Variants in XRCC1 observed in about 807,000 individuals in gnomAD.
The protein encoded by XRCC1 is X-ray repair cross complementing 1, also known as DNA repair protein XRCC1.
Under a neutral mutation model 83.3 loss-of-function variants are expected in XRCC1, and 52 were observed. The ratio of observed to expected loss-of-function variants is 0.62; its 90% confidence interval spans 0.50 to 0.79. The LOEUF (loss-of-function observed/expected upper bound fraction) is 0.79, where lower values mean the gene tolerates loss of function less well. XRCC1 is among the 30% of genes least tolerant of loss of function. The probability of loss-of-function intolerance (pLI) is 0.00; values close to 1 mark genes in which losing one functional copy is unlikely to be tolerated. For synonymous variants in XRCC1, 281 were observed against 312.6 expected, an observed-to-expected ratio of 0.90 and a Z score of 1.07; for missense variants, 793 against 823.5, an observed-to-expected ratio of 0.96 and a Z score of 0.45.
chr19:43,574,457 C>T (rs1972834476), intron 2 of XRCC1: 1 of 156,320 alleles, frequency 6.4e-6, no homozygotes, highest in Admixed American at 6.3e-5. Context: ...TCTGGAACTC[C>T]TGAGCTCAAG....
At chr19:43,571,134 C>A (rs896401894) in intron 2 of XRCC1, among the ~76,000 whole-genome samples, 1 of 152,132 alleles carries the variant, frequency 6.6e-6, no homozygotes, top group African/African-American at 2.4e-5. Flanking sequence ...AAGCTCAAGT[C>A]CTTTCAATGG....
At chr19:43,544,649 G>A (rs10413558) in intron 14 of XRCC1, among the ~76,000 whole-genome samples, 7 of 152,002 alleles carry the variant, frequency 4.6e-5, no homozygotes, top group Admixed American at 6.5e-5. Context: ...TGGGACTACA[G>A]GTGCATGCCA....
At chr19:43,546,529 G>C in intron 12 of XRCC1, 66 bp downstream of exon 12, 3 of 1,517,038 alleles carry the variant, frequency 2.0e-6, no homozygotes, top group Non-Finnish European at 1.8e-6. Context: ...AGGAGCCCAG[G>C]CCGCAGGCCC....
Position 43,545,898 on chromosome 19 carries a change from G to C in XRCC1, c.1541C>G (p.Pro514Arg). 6.2e-7 allele frequency: 1 copy of C among 1,613,936 alleles called. No individual in the cohort carries two copies. The highest frequency in any genetic ancestry group is 8.5e-7 in the Non-Finnish European group (1 of 1,179,908). The change falls in exon 14 of 17, where the codon CCG (proline) becomes CGG (arginine). Residue 514 changes from proline (P) to arginine (R), a missense_variant. Coordinates refer to ENST00000262887, the MANE Select transcript of XRCC1 (RefSeq NM_006297.3). ...GTTCTCATCCGTGGAGCCTGCATAC[G>C]GGTCTTCCCCATTCTCCTCCTGGCC... ...PPGQEENGED[P>R]YAGSTDENTD...
intron 2 of XRCC1, among the ~76,000 whole-genome samples, chr19:43,565,452 A>G (rs530047704): frequency 3.3e-5 from 5 of 152,206 alleles, no homozygotes; most frequent in Non-Finnish European, 7.4e-5. Context: ...GTCCAATACC[A>G]CCACTGTTCT....
rs56412564 is a variant in XRCC1, at chr19:43,560,173, G to A, written c.255+737C>T. On this transcript the variant is annotated intron_variant, in intron 3 of 16. Coordinates refer to ENST00000262887, the MANE Select transcript of XRCC1 (RefSeq NM_006297.3). Reference sequence around the variant, plus strand: ...TGGGAGGCTGAGGCGGGCAGATGACGAGGTCAGGAGTTCGAGACCAGCCTG... The same window carrying A: ...TGGGAGGCTGAGGCGGGCAGATGACAAGGTCAGGAGTTCGAGACCAGCCTG... Among the ~76,000 whole-genome samples the A allele has an allele frequency of 7.0e-3, 1,058 of 151,920 alleles. 6 individuals carry two copies. Among genetic ancestry groups the A allele is most frequent in the Non-Finnish European group, 0.012 (829 of 67,962 alleles).
chr19:43,560,861 G>C, intron 3 of XRCC1, 49 bp downstream of exon 3: 1 of 1,478,864 alleles, frequency 6.8e-7, no homozygotes, highest in Non-Finnish European at 9.5e-7. Flanking sequence ...GGTGATGCGA[G>C]CATGAGGGGC....
chr19:43,569,117 G>A (rs2682564), intron 2 of XRCC1, among the ~76,000 whole-genome samples: 117,076 of 149,382 alleles, frequency 0.78, 45,398 homozygotes, highest in East Asian at 0.88. Context: ...GTTTAAAAAA[G>A]AAAATCAAAT....
intron 2 of XRCC1, among the ~76,000 whole-genome samples, chr19:43,563,490 C>T (rs1972721450): frequency 6.6e-6 from 1 of 152,110 alleles, no homozygotes; most frequent in African/African-American, 2.4e-5. Context: ...GAGACTCTGT[C>T]TCAAAAACAA....
At chr19:43,543,528 T>C (rs1048612955) in intron 16 of XRCC1, 23 bp from the exon 17 acceptor site, 6 of 1,613,418 alleles carry the variant, frequency 3.7e-6, no homozygotes, top group Admixed American at 1.7e-5. Flanking sequence ...GTGGAGTCCA[T>C]ACGGGAATGT....
At position 43,553,406 on chromosome 19, in the gene XRCC1, G is replaced by T. The variant is rs2146052255; in HGVS notation, c.596C>A (p.Ser199Tyr). 1 of 1,614,128 alleles carries T rather than the reference G, an allele frequency of 6.2e-7. No individual in the cohort carries two copies. The highest frequency in any genetic ancestry group is 8.5e-7 in the Non-Finnish European group (1 of 1,180,018). ...ALFFSRINKT[S>Y]PVTASDPAGP... ...CCCACGTTGTCCGAGCTCACCTGGG[G>T]ATGTCTTGTTGATCCGGCTGAAGAA... is the stretch of plus-strand genomic sequence containing the variant. Residue 199 changes from serine to tyrosine, a missense_variant, in exon 6 of 17, where the codon TCC becomes TAC. By Grantham distance (144) the Ser-to-Tyr change is moderately radical. Coordinates refer to ENST00000262887, the MANE Select transcript of XRCC1 (RefSeq NM_006297.3).
intron 14 of XRCC1, 88 bp from the exon 15 acceptor site, chr19:43,544,322 G>A (rs1600039689): frequency 8.5e-7 from 1 of 1,176,280 alleles, no homozygotes; most frequent in Non-Finnish European, 1.2e-6. Flanking sequence ...CCCAGCAGCT[G>A]AGGAGAGGGC....
At chr19:43,546,427 C>T (rs2020963) in intron 12 of XRCC1, among the ~76,000 whole-genome samples, 168 bp downstream of exon 12, 1 of 150,812 alleles carries the variant, frequency 6.6e-6, no homozygotes, top group Non-Finnish European at 1.5e-5. Context: ...AGGCCCCCAG[C>T]CCCTCATCCC....
Position 43,554,655 on chromosome 19 carries a change from G to A in XRCC1, c.405C>T (p.Pro135=). The change falls in exon 4 of 17, where the codon CCC becomes CCT. Residue 135 remains proline, a synonymous_variant. Transcript: ENST00000262887. ...WDRVKIVCSQ[P]YSKDSPFGLS... is the part of the protein sequence containing the mutation. ...CTCCCACCCTAGGTACCTTGCTGTAGGGCTGGCTGCAAACAATTTTGACCC... is the reference window on the plus strand; with the variant it reads ...CTCCCACCCTAGGTACCTTGCTGTAAGGCTGGCTGCAAACAATTTTGACCC... 1 of 1,612,236 alleles carries A rather than the reference G, an allele frequency of 6.2e-7. No homozygotes were observed. Among genetic ancestry groups the A allele is most frequent in the Non-Finnish European group, 8.5e-7 (1 of 1,178,804 alleles).
chr19:43,546,517 T>G, intron 12 of XRCC1, 78 bp downstream of exon 12: 1 of 1,432,578 alleles, frequency 7.0e-7, no homozygotes, highest in Non-Finnish European at 9.2e-7. Context: ...TCCCTCAGAC[T>G]CAGGAGCCCA....
At chr19:43,561,536 T>A (rs528482892) in intron 2 of XRCC1, among the ~76,000 whole-genome samples, 2 of 152,200 alleles carry the variant, frequency 1.3e-5, no homozygotes, top group African/African-American at 4.8e-5. Context: ...GGAGCCTCAG[T>A]TTTCTCATCT....
chr19:43,551,953 T>C, intron 9 of XRCC1, 64 bp downstream of exon 9: 4 of 1,556,712 alleles, frequency 2.6e-6, no homozygotes, highest in Non-Finnish European at 3.5e-6. Context: ...AAGCACAAGG[T>C]GGAGGAGACA....
chr19:43,572,813 T>C lies in XRCC1; in HGVS notation c.144+2097A>G, dbSNP rs374104972. On this transcript the variant is annotated intron_variant, in intron 2 of 16. Coordinates refer to ENST00000262887, the MANE Select transcript of XRCC1 (RefSeq NM_006297.3). ...CTGACATCAATTGGGGTGGACCAGA[T>C]GATGTTACAGTAACAAAGGAGTCCC... Among the ~76,000 whole-genome samples, 12 of 152,002 alleles carry C rather than the reference T, an allele frequency of 7.9e-5. No homozygotes were observed. The East Asian group carries it at 1.5e-3, about 20-fold the overall frequency.
chr19:43,574,808 G>T, intron 2 of XRCC1, 102 bp downstream of exon 2: 1 of 921,718 alleles, frequency 1.1e-6, no homozygotes, highest in Non-Finnish European at 1.8e-6. Context: ...CTGAGGCCCA[G>T]CAAAGAAAGT....
Sources: allele counts gnomAD v4.1 joint callset (sites outside exome capture counted in the v4.1 genomes callset), GRCh38; gene constraint gnomAD v4.1.1; transcripts MANE v1.5; gene names NCBI Gene and HGNC (gene_info 2026-07-23, HGNC 2026-07-21).